Variants in MTUS2 observed in about 807,000 individuals in gnomAD.
The protein encoded by MTUS2 is microtubule-associated tumor suppressor candidate 2.
A neutral mutation model predicts 114.1 loss-of-function variants in MTUS2; 40 were observed. That is an observed-to-expected ratio of 0.35 (90% CI 0.27 to 0.46). The LOEUF (loss-of-function observed/expected upper bound fraction) is 0.46. Among genes scored for constraint, MTUS2 ranks in the 20% least tolerant of loss-of-function variants. The pLI, the probability that MTUS2 is intolerant of heterozygous loss-of-function variation, is 1.00. For missense variants in MTUS2, 1,679 were observed against 1,705.4 expected (o/e 0.98, Z 0.27); for synonymous variants, 688 against 672.0 (o/e 1.02, Z -0.37).
At chr13:29,303,094 A>G (rs1420353755) in intron 6 of MTUS2, among the ~76,000 whole-genome samples, 1 of 152,248 alleles carries the variant, frequency 6.6e-6, no homozygotes, top group South Asian at 2.1e-4. Flanking sequence ...AATAAAAACA[A>G]ATAAACAGAA....
rs535923188 is a variant in MTUS2 at position 28,943,575 on chromosome 13, G to A, written c.-242-80882G>A. Among the ~76,000 whole-genome samples the A allele has an allele frequency of 1.2e-4, 19 of 152,286 alleles. No individual in the cohort carries two copies. The South Asian group carries it at 3.5e-3, about 28-fold the overall frequency. On this transcript the variant is annotated intron_variant, in intron 2 of 15. Coordinates refer to ENST00000612955, the MANE Select transcript of MTUS2 (RefSeq NM_001033602.4). ...CTGGACATTGTTGGGCAGGGCAGGC[G>A]ATGGGTGACAGAGGTGGGCATTGCA...
intron 5 of MTUS2, among the ~76,000 whole-genome samples, chr13:29,249,548 CT>C (rs1309721484): frequency 6.6e-6 from 1 of 152,140 alleles, no homozygotes; most frequent in Non-Finnish European, 1.5e-5. Flanking sequence ...ATTTGCATTT[CT>C]GTAATGATCA....
At chr13:29,489,620 C>G (rs1194156246) in intron 11 of MTUS2, 1 of 152,214 alleles carries the variant, frequency 6.6e-6, no homozygotes, top group African/African-American at 2.4e-5. Context: ...ATGTGTGGCT[C>G]TTACCTCTGA....
chr13:29,152,980 G>A (rs1272457373), intron 5 of MTUS2, among the ~76,000 whole-genome samples: 1 of 152,134 alleles, frequency 6.6e-6, no homozygotes, highest in Non-Finnish European at 1.5e-5. Flanking sequence ...TTTCTGGGAG[G>A]CTTAATGTGT....
chr13:28,917,551 G>A (rs528754008), intron 2 of MTUS2, among the ~76,000 whole-genome samples: 7 of 151,178 alleles, frequency 4.6e-5, no homozygotes, highest in Admixed American at 1.3e-4. Context: ...GAATTTCTAT[G>A]ATATCAGTTG....
intron 6 of MTUS2, among the ~76,000 whole-genome samples, chr13:29,316,955 G>A (rs56268617): frequency 3.9e-5 from 6 of 152,298 alleles, no homozygotes; most frequent in African/African-American, 1.4e-4. Flanking sequence ...TTTGTGCTTA[G>A]TAATGAATTG....
intron 4 of MTUS2, among the ~76,000 whole-genome samples, chr13:29,075,038 A>G (rs1695205394): frequency 6.6e-6 from 1 of 152,220 alleles, no homozygotes; most frequent in Non-Finnish European, 1.5e-5. Context: ...CCTGGCAACT[A>G]CTAATCTACT....
At chr13:29,362,470 C>T (rs956271112) in intron 8 of MTUS2, among the ~76,000 whole-genome samples, 2 of 151,846 alleles carry the variant, frequency 1.3e-5, no homozygotes, top group Non-Finnish European at 2.9e-5. Flanking sequence ...TTTCAGTGGC[C>T]AGGCTCGAGC....
chr13:29,148,476 T>TGCTGAGGATAATGGCTTCTAGC (rs1313550522), intron 5 of MTUS2, among the ~76,000 whole-genome samples: 66 of 104,460 alleles, frequency 6.3e-4, no homozygotes, highest in South Asian at 1.1e-3. Context: ...GGTTTTCTTT[T>TGCTGAGGATAATGGCTTCTAGC]TTTTTTTTTT....
chr13:28,966,999 C>G lies in MTUS2; in HGVS notation c.-242-57458C>G, dbSNP rs143463436. ...TGTGAGTATATCCTGACCACTGTTA[C>G]CACGATCTGGCAGTAATAGTACTGC... On this transcript the variant is annotated intron_variant, in intron 2 of 15. Coordinates refer to ENST00000612955, the MANE Select transcript of MTUS2 (RefSeq NM_001033602.4). 1.8e-4 allele frequency among the ~76,000 whole-genome samples: 28 copies of G among 152,244 alleles called. No individual in the cohort carries two copies. The East Asian group carries it at 5.4e-3, about 29-fold the overall frequency.
intron 5 of MTUS2, among the ~76,000 whole-genome samples, chr13:29,217,343 G>A (rs938497091): frequency 1.6e-4 from 25 of 152,052 alleles, no homozygotes; most frequent in African/African-American, 6.0e-4. Flanking sequence ...CTATTACATA[G>A]GCATACCTTG....
At chr13:29,229,115 T>C (rs1157190214) in intron 5 of MTUS2, among the ~76,000 whole-genome samples, 1 of 152,190 alleles carries the variant, frequency 6.6e-6, no homozygotes, top group Non-Finnish European at 1.5e-5. Context: ...CCCGAGACTT[T>C]GATACCTTGA....
rs1330410307 is a variant in MTUS2 at position 28,905,501 on chromosome 13, A to G, written c.-243+65651A>G. On this transcript the variant is annotated intron_variant, in intron 2 of 15. Transcript: ENST00000612955. Reference sequence around the variant, plus strand: ...TTTGTCAAAGGCCTTTTCTGCATCTATTGAGATAATCATGTGGTTTTTGTC... The same window carrying G: ...TTTGTCAAAGGCCTTTTCTGCATCTGTTGAGATAATCATGTGGTTTTTGTC... 2.0e-5 allele frequency among the ~76,000 whole-genome samples: 3 copies of G among 151,618 alleles called. No individual in the cohort carries two copies. The South Asian group carries it at 6.3e-4, about 32-fold the overall frequency.
At chr13:29,428,550 C>A in intron 8 of MTUS2, 1 of 602,772 alleles carries the variant, frequency 1.7e-6, no homozygotes, top group Non-Finnish European at 2.7e-6. Context: ...CCTGAGGACT[C>A]CAGTGGCAAA....
intron 8 of MTUS2, among the ~76,000 whole-genome samples, chr13:29,360,693 C>A (rs977727464): frequency 5.1e-5 from 7 of 137,680 alleles, no homozygotes; most frequent in Non-Finnish European, 9.8e-5. Context: ...CGAACACCCC[C>A]CCCCCCCCGT....
Position 29,034,032 on chromosome 13 carries a change from A to C in MTUS2, c.2353A>C (p.Ile785Leu). Reference sequence around the variant, plus strand: ...CCGTTTACCATCTGCAAAGAGCAGGATTCTGATTGCAAGTCAGAGGTCTTC... The same window carrying C: ...CCGTTTACCATCTGCAAAGAGCAGGCTTCTGATTGCAAGTCAGAGGTCTTC... ...MSRLPSAKSR[I>L]LIASQRSSAS... Residue 785 changes from isoleucine (I) to leucine (L), a missense_variant, in exon 4 of 16, where the codon ATT becomes CTT. This residue lies in a region of MTUS2 where 822 missense variants were observed against 899.7 expected (regional missense o/e 0.91). Transcript: ENST00000612955. 1 of 1,614,016 alleles carries C rather than the reference A, an allele frequency of 6.2e-7. No individual in the cohort carries two copies. The highest frequency in any genetic ancestry group is 2.2e-5 in the East Asian group (1 of 44,886).
intron 5 of MTUS2, among the ~76,000 whole-genome samples, chr13:29,241,484 C>T (rs1367915604): frequency 1.3e-5 from 2 of 152,134 alleles, no homozygotes; most frequent in African/African-American, 2.4e-5. Context: ...TATACTGACT[C>T]TCTCATCCTT....
chr13:29,383,500 G>A (rs537892528), intron 8 of MTUS2, among the ~76,000 whole-genome samples: 1 of 152,046 alleles, frequency 6.6e-6, no homozygotes, highest in Non-Finnish European at 1.5e-5. Context: ...AGGCAAGGAT[G>A]ACTAAGTGAC....
At chr13:29,305,678 A>T (rs1322147152) in intron 6 of MTUS2, among the ~76,000 whole-genome samples, 3 of 152,188 alleles carry the variant, frequency 2.0e-5, no homozygotes, top group Non-Finnish European at 2.9e-5. Flanking sequence ...CCGTGACCAG[A>T]TGGATTCACA....
Sources: allele counts gnomAD v4.1 joint callset (sites outside exome capture counted in the v4.1 genomes callset), GRCh38; gene constraint gnomAD v4.1.1; regional missense constraint gnomAD v4.1.1; transcripts MANE v1.5; gene names NCBI Gene and HGNC (gene_info 2026-07-23, HGNC 2026-07-21).